Variants in LYST observed in about 807,000 individuals in gnomAD.
LYST encodes the protein lysosomal-trafficking regulator.
A neutral mutation model predicts 413.6 loss-of-function variants in LYST; 192 were observed. That is an observed-to-expected ratio of 0.46 (90% confidence interval 0.41 to 0.52). The LOEUF (loss-of-function observed/expected upper bound fraction) is 0.52. Among genes scored for constraint, LYST ranks in the 20% least tolerant of loss-of-function variants. The probability of loss-of-function intolerance (pLI) is 0.00; values close to 1 mark genes in which losing one functional copy is unlikely to be tolerated. For synonymous variants in LYST, 1,525 were observed against 1,567.3 expected (o/e 0.97, Z 0.64); for missense variants, 3,815 against 4,499.9 (o/e 0.85, Z 4.35).
intron 31 of LYST, chr1:235,738,452 T>C (rs2103243914): frequency 1.2e-6 from 2 of 1,612,618 alleles, no homozygotes; most frequent in East Asian, 2.2e-5. Flanking sequence ...TGGAAGATAA[T>C]GGCTTTCCCA....
chr1:235,734,859 T>A, intron 31 of LYST, 200 bp from the exon 32 acceptor site: 1 of 445,360 alleles, frequency 2.2e-6, no homozygotes, highest in South Asian at 4.3e-5. Flanking sequence ...TAATGCTAAT[T>A]TTGTTAGATG....
chr1:235,696,249 T>A (rs1206111336), intron 46 of LYST, among the ~76,000 whole-genome samples: 1 of 152,256 alleles, frequency 6.6e-6, no homozygotes, highest in Non-Finnish European at 1.5e-5. Context: ...ACTGATGTTT[T>A]CTCTGGGTGC....
chr1:235,839,766 C>T (rs1373734016), intron 1 of LYST: 1 of 151,382 alleles, frequency 6.6e-6, no homozygotes, highest in Non-Finnish European at 1.5e-5. Context: ...GATCGCGCCA[C>T]TACACACCAG....
chr1:235,774,765 T>C (rs1298405472), intron 18 of LYST, 148 bp downstream of exon 18: 1 of 591,048 alleles, frequency 1.7e-6, no homozygotes, highest in Non-Finnish European at 3.0e-6. Context: ...ACTAGAAGAG[T>C]ATCTTAGTTT....
intron 14 of LYST, among the ~76,000 whole-genome samples, chr1:235,784,005 G>A (rs1310349914): frequency 1.3e-5 from 2 of 151,862 alleles, no homozygotes; most frequent in East Asian, 1.9e-4. Flanking sequence ...TCAGTGTCCC[G>A]AATAGCTGGG....
intron 44 of LYST, among the ~76,000 whole-genome samples, chr1:235,706,637 T>G (rs1662012041): frequency 6.6e-6 from 1 of 152,192 alleles, no homozygotes; most frequent in Non-Finnish European, 1.5e-5. Flanking sequence ...CAAGTGAACC[T>G]GAGGAAAAGA....
chr1:235,699,706 G>A (rs937869137), intron 45 of LYST, among the ~76,000 whole-genome samples: 3 of 152,188 alleles, frequency 2.0e-5, no homozygotes, highest in Admixed American at 6.5e-5. Context: ...CGGTGTAAAA[G>A]CGTTCCTATT....
intron 29 of LYST, among the ~76,000 whole-genome samples, chr1:235,744,945 A>G (rs373149336): frequency 4.6e-5 from 7 of 152,080 alleles, no homozygotes; most frequent in African/African-American, 1.7e-4. Flanking sequence ...AAAGCTAAAA[A>G]AATAATAATA....
intron 31 of LYST, chr1:235,734,938 A>G (rs1003753141): frequency 4.1e-6 from 1 of 241,938 alleles, no homozygotes; most frequent in Non-Finnish European, 8.0e-6. Flanking sequence ...CATAATTTCT[A>G]TATATATGTT....
Position 235,791,767 on chromosome 1 carries a change from T to G in LYST, c.4475A>C (p.Glu1492Ala). The G allele has an allele frequency of 6.2e-7, 1 of 1,613,596 alleles. No homozygotes were observed. Among genetic ancestry groups the G allele is most frequent in the African/African-American group, 1.3e-5 (1 of 75,064 alleles). ...ECIHEAESTT[E>A]KGKKIKKRNK... Reference sequence around the variant, plus strand: ...TCTTTTCTTTATCTTCTTTCCTTTTTCTGTAGTACTCTCAGCTTCATGGAT... The same window carrying G: ...TCTTTTCTTTATCTTCTTTCCTTTTGCTGTAGTACTCTCAGCTTCATGGAT... The change falls in exon 12 of 53, where the codon GAA (glutamate) becomes GCA (alanine). Residue 1492 changes from glutamate to alanine, a missense_variant. Coordinates refer to ENST00000389793, the MANE Select transcript of LYST (RefSeq NM_000081.4).
intron 36 of LYST, 24 bp from the exon 37 acceptor site, chr1:235,729,681 C>G: frequency 3.9e-6 from 6 of 1,533,160 alleles, no homozygotes; most frequent in Non-Finnish European, 4.5e-6. Flanking sequence ...TTTAAAATTA[C>G]TATGACTAAA....
intron 47 of LYST, among the ~76,000 whole-genome samples, chr1:235,691,002 C>T (rs538310854): frequency 9.9e-5 from 15 of 151,952 alleles, no homozygotes; most frequent in Non-Finnish European, 1.3e-4. Flanking sequence ...CTGCAAGCTC[C>T]GCCTCCCGGG....
In LYST at chr1:235,808,639, G is replaced by C. The variant is rs771583567; in HGVS notation, c.2179C>G (p.Gln727Glu). 14 of 1,612,724 alleles carry C rather than the reference G, an allele frequency of 8.7e-6. No individual in the cohort carries two copies. Among genetic ancestry groups the C allele is most frequent in the Non-Finnish European group, 1.2e-5 (14 of 1,178,986 alleles). ...AATATGTAATTATATAATTTCCACT[G>C]AACAACTATATTGCCTTTCTGGATT... ...NLIQKGNIVV[Q>E]WKLYNYIFNP... Residue 727 changes from glutamine to glutamate, a missense_variant, in exon 5 of 53, where the codon CAG becomes GAG. Gln to Glu is a conservative substitution (Grantham distance 29, BLOSUM62 2). Transcript: ENST00000389793.
chr1:235,704,723 G>GT (rs1178956709), intron 44 of LYST, among the ~76,000 whole-genome samples: 2 of 100,718 alleles, frequency 2.0e-5, no homozygotes, highest in South Asian at 5.0e-4. Flanking sequence ...TCTATTGATA[G>GT]TTTTTTTTCC....
Position 235,755,375 on chromosome 1 carries a change from C to A in LYST, c.7229+103G>T. The A allele has an allele frequency of 2.7e-6, 3 of 1,093,060 alleles. 1 individual carries two copies. In the South Asian group the frequency reaches 4.0e-5, roughly 14 times the overall value. 67.7% of individuals were successfully genotyped at this position (1,093,060 alleles called of 1,614,324 possible). A position where few individuals can be genotyped will look rare whatever the true frequency, so the allele number is the denominator to read the frequency against. ...TTGCACTCCAGCCTGGGCAACAGGG[C>A]GAGACTCCGTCTCAAAAGAAAAGAA... On this transcript the variant is annotated intron_variant, in intron 25 of 52. Transcript: ENST00000389793.
intron 42 of LYST, 21 bp downstream of exon 42, chr1:235,715,180 A>G: frequency 1.2e-6 from 2 of 1,606,832 alleles, no homozygotes; most frequent in Non-Finnish European, 1.7e-6. Flanking sequence ...ATGACTTTTT[A>G]GGCAGTTATT....
intron 1 of LYST, among the ~76,000 whole-genome samples, chr1:235,849,127 T>G (rs551326055): frequency 6.6e-6 from 1 of 152,242 alleles, no homozygotes; most frequent in Admixed American, 6.5e-5. Flanking sequence ...AACAAAATAC[T>G]AGCTAACCAA....
intron 7 of LYST, 35 bp from the exon 8 acceptor site, chr1:235,803,099 T>C (rs189670918): frequency 5.6e-4 from 884 of 1,576,184 alleles, no homozygotes; most frequent in Non-Finnish European, 7.0e-4. Flanking sequence ...TTGTAACATT[T>C]GCTTGTTTTT....
intron 14 of LYST, among the ~76,000 whole-genome samples, chr1:235,786,511 A>G (rs1423972394): frequency 6.6e-6 from 1 of 152,198 alleles, no homozygotes; most frequent in Non-Finnish European, 1.5e-5. Flanking sequence ...AGGATCTGGA[A>G]CTAGAAATAC....
Sources: allele counts gnomAD v4.1 joint callset (sites outside exome capture counted in the v4.1 genomes callset), GRCh38; gene constraint gnomAD v4.1.1; transcripts MANE v1.5; gene names NCBI Gene and HGNC (gene_info 2026-07-23, HGNC 2026-07-21).